The following SORCS3 variants were observed in gnomAD, a reference collection of about 807,000 sequenced individuals.
SORCS3 encodes sortilin related VPS10 domain containing receptor 3.
Under a neutral mutation model 146.3 loss-of-function variants are expected in SORCS3, and 57 were observed. That is an observed-to-expected ratio of 0.39 (90% CI 0.31 to 0.49). The LOEUF (loss-of-function observed/expected upper bound fraction) is 0.49, where lower values mean the gene tolerates loss of function less well. Ranked by LOEUF, SORCS3 falls within the 20% of genes least tolerant of loss-of-function variation. The pLI is 0.92. For missense variants in SORCS3, 1,341 were observed against 1,575.5 expected, an observed-to-expected ratio of 0.85 and a Z score of 2.52; for synonymous variants, 653 against 618.5, an observed-to-expected ratio of 1.06 and a Z score of -0.83.
At chr10:105,137,873 A>G (rs2056069356) in intron 7 of SORCS3, among the ~76,000 whole-genome samples, 1 of 152,228 alleles carries the variant, frequency 6.6e-6, no homozygotes, top group African/African-American at 2.4e-5. Context: ...ATGTAAAACC[A>G]AATTAAACAA....
At chr10:105,154,924 A>G (rs1437030615) in intron 9 of SORCS3, among the ~76,000 whole-genome samples, 1 of 152,216 alleles carries the variant, frequency 6.6e-6, no homozygotes, top group African/African-American at 2.4e-5. Context: ...CATGAAGCCA[A>G]AAAAGTGATT....
intron 5 of SORCS3, among the ~76,000 whole-genome samples, chr10:105,056,048 T>C (rs886860741): frequency 1.6e-4 from 25 of 152,142 alleles, no homozygotes; most frequent in Non-Finnish European, 4.4e-5. Flanking sequence ...AGGTCTCACA[T>C]CATCCTGGTG....
At chr10:104,912,529 G>A (rs1208603274) in intron 2 of SORCS3, among the ~76,000 whole-genome samples, 2 of 152,172 alleles carry the variant, frequency 1.3e-5, no homozygotes, top group African/African-American at 2.4e-5. Context: ...AGCATCCAAA[G>A]CCTCAAGCGT....
At position 105,201,383 on chromosome 10, in the gene SORCS3, G is replaced by T. The variant is rs145432782; in HGVS notation, c.2261+130G>T. ...TAGGAGGTGTATCTGCTGGCCTGTG[G>T]GCCCATCCATCCCAGTTACTGGGCC... is the stretch of plus-strand genomic sequence containing the variant. On this transcript the variant is annotated intron_variant, in intron 16 of 26. Transcript: ENST00000369701. The T allele has an allele frequency of 3.8e-4, 433 of 1,144,366 alleles. 2 individuals carry two copies. In the Middle Eastern group the frequency reaches 6.2e-3, roughly 16 times the overall value. The allele number at this position is 1,144,366 out of a possible 1,614,324, so 70.9% of individuals were successfully genotyped here.
At chr10:104,882,673 C>T (rs190483519) in intron 2 of SORCS3, among the ~76,000 whole-genome samples, 1 of 152,112 alleles carries the variant, frequency 6.6e-6, no homozygotes, top group Admixed American at 6.5e-5. Flanking sequence ...CACTCCTATA[C>T]CCATAACATA....
chr10:105,201,197 C>T lies in SORCS3; in HGVS notation c.2205C>T (p.Asp735=), dbSNP rs1333140298. ...GAGCTCAGTGTGCCCTGGGCCGAGA[C>T]CACTCAGGATCAGTGGTCTCAGAAC... The part of the protein sequence containing the change: ...KPGAQCALGR[D]HSGSVVSEPC... The change falls in exon 16 of 27, where the codon GAC becomes GAT. Residue 735 remains aspartate (D), a synonymous_variant. Coordinates refer to ENST00000369701, the MANE Select transcript of SORCS3 (RefSeq NM_014978.3). 6.2e-7 allele frequency: 1 copy of T among 1,612,032 alleles called. No individual in the cohort carries two copies. Among genetic ancestry groups the T allele is most frequent in the East Asian group, 2.2e-5 (1 of 44,814 alleles).
chr10:104,736,241 G>A (rs986053296), intron 1 of SORCS3, among the ~76,000 whole-genome samples: 3 of 152,174 alleles, frequency 2.0e-5, no homozygotes, highest in Non-Finnish European at 4.4e-5. Flanking sequence ...TTTGCCCTCC[G>A]TGAGACCCTC....
chr10:104,651,100 C>T lies in SORCS3; in HGVS notation c.627+9146C>T, dbSNP rs1348949547. 3.9e-5 allele frequency among the ~76,000 whole-genome samples: 6 copies of T among 152,248 alleles called. No individual in the cohort carries two copies. In the East Asian group the frequency reaches 1.2e-3, roughly 29 times the overall value. On this transcript the variant is annotated intron_variant, in intron 1 of 26. Transcript: ENST00000369701. ...CAATAAGAGTTCTGAGACAATGAAG[C>T]TGGTGACACAGATAAACTTGTTTTC...
At chr10:104,716,502 C>G (rs1338325180) in intron 1 of SORCS3, among the ~76,000 whole-genome samples, 1 of 151,356 alleles carries the variant, frequency 6.6e-6, no homozygotes, top group East Asian at 1.9e-4. Context: ...CACACTAATC[C>G]AAGATGCCAT....
rs1187288446 is a variant in SORCS3, at chr10:105,105,468, A to G, written c.1165A>G (p.Ile389Val). 2 of 1,613,742 alleles carry G rather than the reference A, an allele frequency of 1.2e-6. No individual in the cohort carries two copies. Among genetic ancestry groups the G allele is most frequent in the Non-Finnish European group, 8.5e-7 (1 of 1,179,684 alleles). The part of the protein sequence containing the change: ...TTRSGPFARS[I>V]DISSLVVQDE... ...TAGAAGTGGGCCTTTTGCCCGCTCCATTGACATCAGTTCCCTGGTTGTCCA... is the reference window on the plus strand; with the variant it reads ...TAGAAGTGGGCCTTTTGCCCGCTCCGTTGACATCAGTTCCCTGGTTGTCCA... The change falls in exon 7 of 27, where the codon ATT becomes GTT. Residue 389 changes from isoleucine (I) to valine (V), a missense_variant. Coordinates refer to ENST00000369701, the MANE Select transcript of SORCS3 (RefSeq NM_014978.3).
At chr10:105,231,645 A>C (rs1420310654) in intron 20 of SORCS3, among the ~76,000 whole-genome samples, 1 of 152,104 alleles carries the variant, frequency 6.6e-6, no homozygotes, top group Non-Finnish European at 1.5e-5. Flanking sequence ...GATGTTTGCT[A>C]TAGGTTTTTT....
intron 1 of SORCS3, among the ~76,000 whole-genome samples, chr10:104,657,884 A>G (rs2015652392): frequency 6.6e-6 from 1 of 152,254 alleles, no homozygotes; most frequent in Non-Finnish European, 1.5e-5. Flanking sequence ...CTTTTAAACA[A>G]CAAATTTAAT....
At chr10:104,782,559 T>C (rs2017387451) in intron 1 of SORCS3, among the ~76,000 whole-genome samples, 1 of 152,226 alleles carries the variant, frequency 6.6e-6, no homozygotes, top group African/African-American at 2.4e-5. Flanking sequence ...ATCAGCCTGT[T>C]CTTGGATACC....
At chr10:105,190,372 G>A (rs2056508555) in intron 14 of SORCS3, among the ~76,000 whole-genome samples, 1 of 152,116 alleles carries the variant, frequency 6.6e-6, no homozygotes, top group African/African-American at 2.4e-5. Context: ...TACCCTCAGT[G>A]TTCAATAATT....
At chr10:104,977,555 T>C (rs1432548738) in intron 4 of SORCS3, 62 bp downstream of exon 4, 9 of 1,460,170 alleles carry the variant, frequency 6.2e-6, no homozygotes, top group East Asian at 4.7e-5. Flanking sequence ...GAAAATCACT[T>C]GCTTGCTTAA....
In SORCS3 at chr10:104,911,506, G is replaced by A. The variant is rs186146901; in HGVS notation, c.696-4327G>A. 3.9e-5 allele frequency among the ~76,000 whole-genome samples: 6 copies of A among 152,268 alleles called. No individual in the cohort carries two copies. In the East Asian group the frequency reaches 7.7e-4, roughly 20 times the overall value. On this transcript the variant is annotated intron_variant, in intron 2 of 26. Coordinates refer to ENST00000369701, the MANE Select transcript of SORCS3 (RefSeq NM_014978.3). ...TCTTTTGTGAGAGTTATTTGGATTC[G>A]GGAAGGAAGTTTGTTGTGACTTCCA... is the stretch of plus-strand genomic sequence containing the variant.
intron 1 of SORCS3, among the ~76,000 whole-genome samples, chr10:104,673,390 TA>T (rs1054709727): frequency 1.3e-5 from 2 of 151,832 alleles, no homozygotes; most frequent in African/African-American, 2.4e-5. Context: ...TTTTTTGTAG[TA>T]AAAAAATGTA....
chr10:104,833,551 A>G (rs565571193), intron 1 of SORCS3, among the ~76,000 whole-genome samples: 23 of 152,216 alleles, frequency 1.5e-4, no homozygotes, highest in South Asian at 2.1e-4. Context: ...GAAAGTCTCT[A>G]TAGTAAACAC....
chr10:105,054,426 A>C (rs1033206267), intron 5 of SORCS3, among the ~76,000 whole-genome samples: 1 of 151,992 alleles, frequency 6.6e-6, no homozygotes, highest in South Asian at 2.1e-4. Flanking sequence ...AGGCATAAAA[A>C]TATTTAGTAT....
Sources: gnomAD v4.1 joint callset for allele counts (sites outside exome capture counted in the v4.1 genomes callset) on GRCh38, gnomAD v4.1.1 for gene constraint, MANE v1.5 for transcripts, NCBI Gene and HGNC (gene_info 2026-07-23, HGNC 2026-07-21) for gene names.